The following CCNY variants were observed in gnomAD, a reference collection of about 807,000 sequenced individuals.
CCNY encodes the protein cyclin Y.
In CCNY, 19 loss-of-function variants were observed where a neutral mutation model predicts 42.8. The observed-to-expected ratio is 0.44, with a 90% confidence interval of 0.31 to 0.65. The LOEUF (loss-of-function observed/expected upper bound fraction) is 0.65. Ranked by LOEUF, CCNY falls within the 30% of genes least tolerant of loss-of-function variation. The pLI is 0.07. For missense variants in CCNY, 370 were observed against 437.3 expected, an observed-to-expected ratio of 0.85 and a Z score of 1.37; for synonymous variants, 165 against 162.7, an observed-to-expected ratio of 1.01 and a Z score of -0.11.
chr10:35,384,133 T>A (rs116967628), intron 1 of CCNY, among the ~76,000 whole-genome samples: 1,550 of 152,300 alleles, frequency 0.01, 15 homozygotes, highest in South Asian at 0.035. Flanking sequence ...AATAGCTATA[T>A]AAACCCAAAA....
chr10:35,338,389 G>A (rs1836099836), intron 1 of CCNY, among the ~76,000 whole-genome samples: 1 of 152,186 alleles, frequency 6.6e-6, no homozygotes, highest in African/African-American at 2.4e-5. Flanking sequence ...CACAACGTCT[G>A]GTTTCTAGTA....
intron 1 of CCNY, among the ~76,000 whole-genome samples, chr10:35,349,326 A>T (rs910351146): frequency 1.3e-5 from 2 of 151,860 alleles, no homozygotes; most frequent in African/African-American, 4.8e-5. Context: ...CTTGCTACCC[A>T]CTCTCCCACA....
intron 1 of CCNY, among the ~76,000 whole-genome samples, chr10:35,478,266 T>C (rs1046534969): frequency 6.6e-6 from 1 of 150,440 alleles, no homozygotes; most frequent in African/African-American, 2.5e-5. Context: ...AATGCCTTTC[T>C]TCACAGAATT....
chr10:35,384,422 A>C (rs1350644758), intron 1 of CCNY, among the ~76,000 whole-genome samples: 2 of 152,198 alleles, frequency 1.3e-5, no homozygotes, highest in East Asian at 3.8e-4. Context: ...CACTTTACCT[A>C]GATAAGGTGA....
chr10:35,455,024 A>G (rs536111299), intron 1 of CCNY, among the ~76,000 whole-genome samples: 125 of 152,320 alleles, frequency 8.2e-4, no homozygotes, highest in African/African-American at 2.8e-3. Context: ...CTTCATCTTA[A>G]TTAACTCACA....
At chr10:35,489,810 G>A (rs1839862141) in intron 2 of CCNY, among the ~76,000 whole-genome samples, 1 of 152,128 alleles carries the variant, frequency 6.6e-6, no homozygotes, top group Admixed American at 6.5e-5. Flanking sequence ...GAATTACTCA[G>A]TTAGAGGAGT....
chr10:35,384,435 A>G (rs1446229551), intron 1 of CCNY, among the ~76,000 whole-genome samples: 1 of 152,234 alleles, frequency 6.6e-6, no homozygotes, highest in East Asian at 1.9e-4. Context: ...TAAGGTGAAC[A>G]TAGAGTAGCC....
In CCNY at chr10:35,247,793, G is replaced by A. The variant is rs567684107; in HGVS notation, c.-216-316G>A. 8.3e-5 allele frequency among the ~76,000 whole-genome samples: 12 copies of A among 145,090 alleles called. No homozygotes were observed. In the South Asian group the frequency reaches 1.1e-3, roughly 14 times the overall value. ...CGGGAGGCTGAGGCAAGAGAATGGC[G>A]TAAACCCAGGAGGTGGAGCTTGCAG... On this transcript the variant is annotated intron_variant, in intron 1 of 11. Transcript: ENST00000374706.
At chr10:35,455,804 C>CCTTTTT (rs1554790476) in intron 1 of CCNY, among the ~76,000 whole-genome samples, 1 of 75,980 alleles carries the variant, frequency 1.3e-5, no homozygotes, top group African/African-American at 4.9e-5. Flanking sequence ...GGGATGCTTC[C>CCTTTTT]TTTTTTTTTT....
At chr10:35,273,490 C>A (rs1211283089) in intron 3 of CCNY, among the ~76,000 whole-genome samples, 1 of 152,062 alleles carries the variant, frequency 6.6e-6, no homozygotes, top group Non-Finnish European at 1.5e-5. Context: ...CAGGCATGAG[C>A]CACTGTGGCC....
chr10:35,420,000 T>C (rs986844132), intron 1 of CCNY, among the ~76,000 whole-genome samples: 2 of 151,884 alleles, frequency 1.3e-5, no homozygotes, highest in African/African-American at 2.4e-5. Context: ...CTTTCTTATC[T>C]AGTTTTTTCT....
intron 1 of CCNY, among the ~76,000 whole-genome samples, chr10:35,478,777 A>C (rs1162497080): frequency 6.6e-6 from 1 of 152,242 alleles, no homozygotes; most frequent in Non-Finnish European, 1.5e-5. Flanking sequence ...ACAAAAGCCA[A>C]AATTGACAAA....
chr10:35,252,514 T>C (rs1376002277), intron 3 of CCNY, among the ~76,000 whole-genome samples: 16 of 133,048 alleles, frequency 1.2e-4, no homozygotes, highest in Admixed American at 2.9e-4. Context: ...TGCAGTGAGC[T>C]GAGATCGCGC....
At chr10:35,467,211 A>G (rs1011636315) in intron 1 of CCNY, among the ~76,000 whole-genome samples, 6 of 152,224 alleles carry the variant, frequency 3.9e-5, no homozygotes, top group Admixed American at 1.3e-4. Flanking sequence ...TTTATAATCT[A>G]TATAAGGTCT....
intron 3 of CCNY, among the ~76,000 whole-genome samples, chr10:35,329,426 C>G (rs942016027): frequency 7.9e-5 from 12 of 152,134 alleles, no homozygotes; most frequent in African/African-American, 2.4e-4. Flanking sequence ...CATCCCGTAA[C>G]TGTTTTTTAT....
intron 2 of CCNY, among the ~76,000 whole-genome samples, chr10:35,249,469 T>G (rs1258043766): frequency 6.6e-6 from 1 of 152,214 alleles, no homozygotes; most frequent in Non-Finnish European, 1.5e-5. Context: ...ACTAGAATGA[T>G]AGAGAATGAG....
chr10:35,385,126 T>C (rs1199218765), intron 1 of CCNY, among the ~76,000 whole-genome samples: 3 of 152,236 alleles, frequency 2.0e-5, no homozygotes. Context: ...ACATAACAGC[T>C]ATCGATGGAT....
intron 7 of CCNY, among the ~76,000 whole-genome samples, chr10:35,546,126 T>G (rs765950128): frequency 6.6e-6 from 1 of 152,210 alleles, no homozygotes; most frequent in Non-Finnish European, 1.5e-5. Context: ...CTCAGCCGTA[T>G]TGGAACATGC....
At chr10:35,560,004 AAGGAAAGGGGAT>A (rs879501646) in intron 8 of CCNY, among the ~76,000 whole-genome samples, 3,313 of 152,164 alleles carry the variant, frequency 0.022, 113 homozygotes, top group African/African-American at 0.075. Context: ...TTTCTTTTGG[AAGGAAAGGGGAT>A]GCCTGTCCTA....
Sources: allele counts gnomAD v4.1 joint callset (sites outside exome capture counted in the v4.1 genomes callset), GRCh38; gene constraint gnomAD v4.1.1; transcripts MANE v1.5; gene names NCBI Gene and HGNC (gene_info 2026-07-23, HGNC 2026-07-21).